The following STK33 variants were observed in gnomAD, a reference collection of about 807,000 sequenced individuals.
STK33 encodes the protein serine/threonine kinase 33, also known as serine/threonine-protein kinase 33.
STK33 carries 52 observed loss-of-function variants against 58.0 expected under a neutral mutation model. The ratio of observed to expected loss-of-function variants is 0.90; its 90% CI spans 0.72 to 1.13. The LOEUF (loss-of-function observed/expected upper bound fraction) is 1.13. Among genes scored for constraint, STK33 ranks in the 50% most tolerant of loss-of-function variants. STK33 has a pLI of 0.00. For synonymous variants in STK33, 215 were observed against 200.1 expected, an observed-to-expected ratio of 1.07 and a Z score of -0.63; for missense variants, 630 against 604.2, an observed-to-expected ratio of 1.04 and a Z score of -0.45.
intron 15 of STK33, among the ~76,000 whole-genome samples, chr11:8,409,012 A>G (rs1263300181): frequency 6.6e-6 from 1 of 152,270 alleles, no homozygotes. Context: ...GTAGGTATTC[A>G]GCATAAACCA....
intron 15 of STK33, among the ~76,000 whole-genome samples, chr11:8,399,417 A>T (rs935065965): frequency 1.1e-4 from 16 of 152,198 alleles, no homozygotes; most frequent in Non-Finnish European, 1.9e-4. Context: ...CTTTGAAACC[A>T]ATGAGAACAA....
At chr11:8,559,001 T>C (rs1956950315) in intron 1 of STK33, among the ~76,000 whole-genome samples, 3 of 152,164 alleles carry the variant, frequency 2.0e-5, no homozygotes, top group Non-Finnish European at 4.4e-5. Flanking sequence ...TCACAGACTC[T>C]CTAATAGAAA....
downstream of STK33, among the ~76,000 whole-genome samples, chr11:8,387,602 G>A (rs977095808): frequency 5.3e-5 from 8 of 152,328 alleles, no homozygotes; most frequent in South Asian, 6.2e-4. Context: ...GTTACATCAT[G>A]ACTCTGAAAG....
At chr11:8,513,972 C>T (rs573432627) in intron 1 of STK33, among the ~76,000 whole-genome samples, 18 of 151,980 alleles carry the variant, frequency 1.2e-4, no homozygotes, top group Non-Finnish European at 1.9e-4. Context: ...CACACCACTA[C>T]GCTTTCCAGC....
the STK33 span, among the ~76,000 whole-genome samples, chr11:8,379,160 A>G: frequency 6.6e-6 from 1 of 152,204 alleles, no homozygotes; most frequent in East Asian, 1.9e-4. Flanking sequence ...GGATCAAAAG[A>G]CTTGAATCTA....
At chr11:8,378,146 C>T in the STK33 span, among the ~76,000 whole-genome samples, 1 of 152,220 alleles carries the variant, frequency 6.6e-6, no homozygotes, top group Admixed American at 6.5e-5. Context: ...AGTAAACTTA[C>T]AATCATGATG....
the STK33 span, among the ~76,000 whole-genome samples, chr11:8,346,837 T>C: frequency 1.3e-5 from 2 of 152,096 alleles, no homozygotes; most frequent in African/African-American, 4.8e-5. Flanking sequence ...CTGGAGACAG[T>C]AAGGTACAGG....
intron 15 of STK33, among the ~76,000 whole-genome samples, chr11:8,401,395 C>T (rs1937914464): frequency 1.3e-5 from 2 of 152,224 alleles, no homozygotes; most frequent in South Asian, 2.1e-4. Flanking sequence ...ATAAATGGTG[C>T]TGGGAAAACT....
intron 1 of STK33, among the ~76,000 whole-genome samples, chr11:8,485,922 T>G (rs1950164905): frequency 6.6e-6 from 1 of 152,206 alleles, no homozygotes; most frequent in Non-Finnish European, 1.5e-5. Context: ...TGCAAACAAT[T>G]TTGTTTAGCT....
At chr11:8,540,994 CTATA>C (rs373430294) in intron 1 of STK33, among the ~76,000 whole-genome samples, 3,264 of 130,512 alleles carry the variant, frequency 0.025, 44 homozygotes, top group East Asian at 0.053. Context: ...CTCTCTCTCT[CTATA>C]TATATATATA....
chr11:8,343,047 G>T, the STK33 span, among the ~76,000 whole-genome samples: 3 of 152,364 alleles, frequency 2.0e-5, no homozygotes, highest in Admixed American at 2.0e-4. Flanking sequence ...CTGGGAGAAG[G>T]ACTTGAACTT....
At chr11:8,364,789 T>G in the STK33 span, among the ~76,000 whole-genome samples, 1 of 152,240 alleles carries the variant, frequency 6.6e-6, no homozygotes, top group East Asian at 1.9e-4. Flanking sequence ...TCCCTTCTTC[T>G]GTTGATGGAC....
chr11:8,357,976 G>T, the STK33 span, among the ~76,000 whole-genome samples: 2 of 152,176 alleles, frequency 1.3e-5, no homozygotes, highest in Non-Finnish European at 2.9e-5. Context: ...GTTTAACAGG[G>T]GCTTGCCTGT....
At chr11:8,337,012 A>G in the STK33 span, among the ~76,000 whole-genome samples, 89 of 152,358 alleles carry the variant, frequency 5.8e-4, no homozygotes, top group African/African-American at 1.9e-3. Context: ...CCAGGCCTCA[A>G]TCGTGATCAA....
At chr11:8,491,892 G>A (rs1402597225) in intron 1 of STK33, among the ~76,000 whole-genome samples, 2 of 152,126 alleles carry the variant, frequency 1.3e-5, no homozygotes, top group Non-Finnish European at 2.9e-5. Flanking sequence ...ACAAGCAAAT[G>A]CTGAGAGATT....
intron 1 of STK33, among the ~76,000 whole-genome samples, chr11:8,528,216 T>G (rs1229299182): frequency 6.9e-6 from 1 of 145,966 alleles, no homozygotes; most frequent in East Asian, 2.1e-4. Flanking sequence ...AAGTAATTGT[T>G]TAAAGGCATT....
At chr11:8,396,956 G>A (rs1849462657) in intron 15 of STK33, among the ~76,000 whole-genome samples, 1 of 152,240 alleles carries the variant, frequency 6.6e-6, no homozygotes, top group African/African-American at 2.4e-5. Context: ...GGTAAACAAA[G>A]TGGCCAGGAA....
At chr11:8,542,184 C>A (rs1431259521) in intron 1 of STK33, among the ~76,000 whole-genome samples, 2 of 152,086 alleles carry the variant, frequency 1.3e-5, no homozygotes, top group Non-Finnish European at 2.9e-5. Flanking sequence ...TACAGAATCA[C>A]GATTAAATCA....
At chr11:8,353,156 G>A in the STK33 span, among the ~76,000 whole-genome samples, 1 of 152,196 alleles carries the variant, frequency 6.6e-6, no homozygotes, top group East Asian at 1.9e-4. Context: ...ATCCTCCCAG[G>A]CCATGGAACC....
Sources: allele counts gnomAD v4.1 joint callset (sites outside exome capture counted in the v4.1 genomes callset), GRCh38; gene constraint gnomAD v4.1.1; transcripts MANE v1.5; gene names NCBI Gene and HGNC (gene_info 2026-07-23, HGNC 2026-07-21).